The following FRYL variants were observed in gnomAD, a reference collection of about 807,000 sequenced individuals.
FRYL encodes the protein FRY like transcription coactivator.
FRYL carries 150 observed loss-of-function variants against 351.2 expected under a neutral mutation model. The observed-to-expected ratio is 0.43, with a 90% CI of 0.37 to 0.49. FRYL has a LOEUF of 0.49. FRYL is among the 20% of genes least tolerant of loss of function. FRYL has a pLI of 0.00. For missense variants in FRYL, 3,036 were observed against 3,619.3 expected, an observed-to-expected ratio of 0.84 and a Z score of 4.13; for synonymous variants, 1,153 against 1,257.1, an observed-to-expected ratio of 0.92 and a Z score of 1.75.
chr4:48,581,752 A>G, intron 20 of FRYL, 147 bp from the exon 21 acceptor site: 2 of 633,856 alleles, frequency 3.2e-6, no homozygotes, highest in East Asian at 2.9e-5. Context: ...GTATTTTATA[A>G]AAATGGAATA....
intron 33 of FRYL, among the ~76,000 whole-genome samples, chr4:48,559,145 T>C (rs1368983263): frequency 6.6e-6 from 1 of 152,146 alleles, no homozygotes; most frequent in Non-Finnish European, 1.5e-5. Flanking sequence ...TCCAATATAA[T>C]GCCAATGAAG....
At chr4:48,742,452 T>C (rs193260021) in intron 1 of FRYL, among the ~76,000 whole-genome samples, 7 of 152,222 alleles carry the variant, frequency 4.6e-5, no homozygotes, top group Non-Finnish European at 1.0e-4. Flanking sequence ...TTCATCATGT[T>C]GGATGCCACA....
chr4:48,674,721 A>G (rs1420169245), intron 3 of FRYL, among the ~76,000 whole-genome samples: 9 of 123,958 alleles, frequency 7.3e-5, no homozygotes, highest in Non-Finnish European at 1.6e-5. Flanking sequence ...AGGGCGACAG[A>G]GCAAGACTCT....
Position 48,720,542 on chromosome 4 carries a change from G to T in FRYL, c.-383-9844C>A, listed in dbSNP as rs116183051. On this transcript the variant is annotated intron_variant, in intron 1 of 63. Transcript: ENST00000358350. ...TAAATAAAATTAAAATTTAAAAAAGGTGTACATTAAATACATTCACACTGT... is the reference window on the plus strand; with the variant it reads ...TAAATAAAATTAAAATTTAAAAAAGTTGTACATTAAATACATTCACACTGT... Among the ~76,000 whole-genome samples, 1,261 of 151,862 alleles carry T rather than the reference G, an allele frequency of 8.3e-3. 17 individuals carry two copies. Among genetic ancestry groups the T allele is most frequent in the Non-Finnish European group, 0.013 (894 of 67,888 alleles).
chr4:48,611,955 T>C (rs1417716008), intron 7 of FRYL, among the ~76,000 whole-genome samples: 1 of 152,190 alleles, frequency 6.6e-6, no homozygotes. Flanking sequence ...CAAAGCAGCA[T>C]ACAATCTAGT....
chr4:48,668,606 G>T (rs112836161), intron 3 of FRYL, among the ~76,000 whole-genome samples: 37 of 151,820 alleles, frequency 2.4e-4, no homozygotes, highest in Non-Finnish European at 5.9e-5. Flanking sequence ...TGCTTAAGAA[G>T]TGCTTGCCAC....
At chr4:48,769,330 T>A (rs1775288397) in intron 1 of FRYL, among the ~76,000 whole-genome samples, 1 of 152,150 alleles carries the variant, frequency 6.6e-6, no homozygotes, top group South Asian at 2.1e-4. Context: ...ATTTGCCCCT[T>A]AGGGAAACAG....
chr4:48,634,403 T>C lies in FRYL; in HGVS notation c.8A>G (p.Asn3Ser). 1 of 1,612,646 alleles carries C rather than the reference T, an allele frequency of 6.2e-7. No individual in the cohort carries two copies. The highest frequency in any genetic ancestry group is 1.1e-5 in the South Asian group (1 of 91,076). Reference sequence around the variant, plus strand: ...TTTGACATCTGGGTCAATCGTAATGTTTGACATGATGATATTTTTTTTTCC... The same window carrying C: ...TTTGACATCTGGGTCAATCGTAATGCTTGACATGATGATATTTTTTTTTCC... MS[N>S]ITIDPDVKPG... Residue 3 changes from asparagine to serine, a missense_variant, in exon 4 of 64, where the codon AAC becomes AGC. Around this residue, in one of 7 missense-constraint regions of FRYL, gnomAD observed 457 missense variants for 566.6 expected, o/e 0.81. Coordinates refer to ENST00000358350, the MANE Select transcript of FRYL (RefSeq NM_015030.2).
intron 3 of FRYL, among the ~76,000 whole-genome samples, chr4:48,680,255 A>T (rs900601116): frequency 1.3e-5 from 2 of 151,388 alleles, no homozygotes; most frequent in Non-Finnish European, 3.0e-5. Flanking sequence ...CCCTAAAATT[A>T]AAAAAAAATC....
chr4:48,715,143 A>G (rs1216295905), intron 1 of FRYL, among the ~76,000 whole-genome samples: 1 of 152,106 alleles, frequency 6.6e-6, no homozygotes, highest in Non-Finnish European at 1.5e-5. Context: ...AGAGCTATCT[A>G]TGACAAACCC....
At chr4:48,530,549 T>A (rs1181603256) in intron 50 of FRYL, among the ~76,000 whole-genome samples, 1 of 152,158 alleles carries the variant, frequency 6.6e-6, no homozygotes, top group Non-Finnish European at 1.5e-5. Context: ...TTTGTTACTA[T>A]GAAATGCAAG....
At chr4:48,597,289 T>C (rs538021464) in intron 13 of FRYL, among the ~76,000 whole-genome samples, 8 of 152,126 alleles carry the variant, frequency 5.3e-5, no homozygotes, top group Non-Finnish European at 1.0e-4. Flanking sequence ...GAAGGATTTT[T>C]AGGGCAGTGA....
intron 1 of FRYL, among the ~76,000 whole-genome samples, chr4:48,757,773 G>A (rs924882205): frequency 2.6e-5 from 4 of 152,130 alleles, no homozygotes; most frequent in South Asian, 2.1e-4. Context: ...AGCCTGCATC[G>A]CCAAGACAAT....
At chr4:48,756,621 C>G (rs568105997) in intron 1 of FRYL, among the ~76,000 whole-genome samples, 124 of 152,234 alleles carry the variant, frequency 8.1e-4, no homozygotes, top group African/African-American at 2.8e-3. Context: ...CAAATACTTA[C>G]AGTAATTTAT....
At chr4:48,749,675 G>T (rs1426490729) in intron 1 of FRYL, among the ~76,000 whole-genome samples, 1 of 152,166 alleles carries the variant, frequency 6.6e-6, no homozygotes, top group Non-Finnish European at 1.5e-5. Context: ...CATAGAGAAT[G>T]TTCTGGCTGT....
Position 48,589,876 on chromosome 4 carries a change from T to G in FRYL, c.1509A>C (p.Gly503=). The change falls in exon 18 of 64, where the codon GGA becomes GGC. Residue 503 remains glycine (G), a splice_region_variant and synonymous_variant. Transcript: ENST00000358350. ...TTACTTGAGGATAGTAAACTGACAT[T>G]CCTAGGGGAAAAAACTTCACAGTTA... is the stretch of plus-strand genomic sequence containing the variant. ...TLTDEEAKVI[G]MSVYYPQVRK... is the part of the protein sequence containing the mutation. The G allele has an allele frequency of 6.2e-7, 1 of 1,608,924 alleles. No homozygotes were observed. The highest frequency in any genetic ancestry group is 1.1e-5 in the South Asian group (1 of 89,976).
rs1220074689 is a variant in FRYL, at chr4:48,738,849, A to G, written c.-383-28151T>C. ...AACAATGTTAGTTATTCCCAACTTG[A>G]TCTATAGGGTCAACGCAATCTCAAT... On this transcript the variant is annotated intron_variant, in intron 1 of 63. Coordinates refer to ENST00000358350, the MANE Select transcript of FRYL (RefSeq NM_015030.2). Among the ~76,000 whole-genome samples the G allele has an allele frequency of 2.0e-5, 3 of 152,016 alleles. No homozygotes were observed. The East Asian group carries it at 5.8e-4, about 29-fold the overall frequency.
intron 55 of FRYL, among the ~76,000 whole-genome samples, chr4:48,517,902 T>G (rs1027077294): frequency 6.6e-6 from 1 of 152,218 alleles, no homozygotes; most frequent in Admixed American, 6.5e-5. Context: ...AGAAGTTGCC[T>G]TAAAAATAAT....
chr4:48,667,504 C>T (rs1761935182), intron 3 of FRYL, among the ~76,000 whole-genome samples: 2 of 150,482 alleles, frequency 1.3e-5, no homozygotes, highest in African/African-American at 4.9e-5. Flanking sequence ...CATGAGACAA[C>T]TGAAGACCAA....
Sources: gnomAD v4.1 joint callset for allele counts (sites outside exome capture counted in the v4.1 genomes callset) on GRCh38, gnomAD v4.1.1 for gene constraint, gnomAD v4.1.1 regional missense constraint, MANE v1.5 for transcripts, NCBI Gene and HGNC (gene_info 2026-07-23, HGNC 2026-07-21) for gene names.